Variants in SH3D19 observed in about 807,000 individuals in gnomAD.
SH3D19 encodes SH3 domain containing 19.
In SH3D19, 58 loss-of-function variants were observed where a neutral mutation model predicts 112.1. The ratio of observed to expected loss-of-function variants is 0.52; its 90% CI spans 0.42 to 0.64. The LOEUF is 0.64. SH3D19 is among the 30% of genes least tolerant of loss of function. The probability of loss-of-function intolerance (pLI) is 0.00; values close to 1 mark genes in which losing one functional copy is unlikely to be tolerated. For synonymous variants in SH3D19, 391 were observed against 448.5 expected, an observed-to-expected ratio of 0.87 and a Z score of 1.62; for missense variants, 1,090 against 1,263.4, an observed-to-expected ratio of 0.86 and a Z score of 2.08.
intron 1 of SH3D19, among the ~76,000 whole-genome samples, chr4:151,305,547 A>G (rs1452101121): frequency 6.6e-6 from 1 of 152,238 alleles, no homozygotes; most frequent in Non-Finnish European, 1.5e-5. Context: ...GCAATTAACC[A>G]TATGAACAGA....
chr4:151,246,874 T>C (rs1770983024), intron 1 of SH3D19, among the ~76,000 whole-genome samples: 1 of 152,210 alleles, frequency 6.6e-6, no homozygotes, highest in Admixed American at 6.5e-5. Flanking sequence ...ACATTGCTGC[T>C]ACAAATAATT....
chr4:151,286,085 T>G (rs1580409682), intron 1 of SH3D19, among the ~76,000 whole-genome samples: 1 of 145,464 alleles, frequency 6.9e-6, no homozygotes, highest in African/African-American at 2.5e-5. Flanking sequence ...TCCCAGCTAC[T>G]TGGGAGGATT....
chr4:151,186,522 C>G (rs1446640243), intron 3 of SH3D19, among the ~76,000 whole-genome samples: 1 of 152,148 alleles, frequency 6.6e-6, no homozygotes, highest in Non-Finnish European at 1.5e-5. Flanking sequence ...CAACCTCCAC[C>G]TCCTGGGTTC....
intron 2 of SH3D19, among the ~76,000 whole-genome samples, chr4:151,215,064 C>T (rs1210608581): frequency 6.8e-6 from 1 of 147,544 alleles, no homozygotes; most frequent in Non-Finnish European, 1.5e-5. Context: ...CCCCACATCT[C>T]AGACGATGGG....
chr4:151,314,789 A>G (rs1441241641), intron 1 of SH3D19, among the ~76,000 whole-genome samples: 2 of 152,110 alleles, frequency 1.3e-5, no homozygotes, highest in Admixed American at 6.6e-5. Context: ...AGGGCCATCT[A>G]TTTTTCTGCT....
Position 151,187,637 on chromosome 4 carries a change from CTTTAA to C in SH3D19, c.153-179_153-175del, listed in dbSNP as rs1762006453. ...AATTAAAGAAATTTTTAAAACTTGA[CTTTAA>C]TTTGTTTTATGGGAAATATATTTGC... On this transcript the variant is annotated intron_variant, in intron 2 of 19. Coordinates refer to ENST00000604030, the MANE Select transcript of SH3D19 (RefSeq NM_001378122.1). Among the ~76,000 whole-genome samples, 3 of 152,258 alleles carry C rather than the reference CTTTAA, an allele frequency of 2.0e-5. No homozygotes were observed. The South Asian group carries it at 6.2e-4, about 32-fold the overall frequency.
rs143847742 is a variant in SH3D19 at position 151,285,954 on chromosome 4, G to A, written c.112+39287C>T. 2.2e-3 allele frequency among the ~76,000 whole-genome samples: 335 copies of A among 151,612 alleles called. 2 individuals are homozygous for A. The highest frequency in any genetic ancestry group is 6.9e-3 in the African/African-American group (285 of 41,364). ...ACATACCTGTAATCGCAGCACTTTGGGAGGATAAGGTAGGAGATTTTTTTT... is the reference window on the plus strand; with the variant it reads ...ACATACCTGTAATCGCAGCACTTTGAGAGGATAAGGTAGGAGATTTTTTTT... On this transcript the variant is annotated intron_variant, in intron 1 of 19. Coordinates refer to ENST00000604030, the MANE Select transcript of SH3D19 (RefSeq NM_001378122.1).
rs148398409 is a variant in SH3D19 at position 151,309,841 on chromosome 4, T to C, written c.112+15400A>G. ...CCAGTCTCTACAAAAAATTTAAAAATTGGCTGGGTATGGTGGCACATACTT... is the reference window on the plus strand; with the variant it reads ...CCAGTCTCTACAAAAAATTTAAAAACTGGCTGGGTATGGTGGCACATACTT... On this transcript the variant is annotated intron_variant, in intron 1 of 19. Transcript: ENST00000604030. Among the ~76,000 whole-genome samples the C allele has an allele frequency of 1.6e-4, 25 of 151,622 alleles. No individual in the cohort carries two copies. In the East Asian group the frequency reaches 4.5e-3, roughly 27 times the overall value.
intron 1 of SH3D19, among the ~76,000 whole-genome samples, chr4:151,320,807 A>C (rs1730458355): frequency 6.6e-6 from 1 of 152,214 alleles, no homozygotes; most frequent in Admixed American, 6.5e-5. Context: ...TGGGAGGCCA[A>C]GGCAGGCGGG....
chr4:151,147,893 C>A (rs764472181), intron 11 of SH3D19, 29 bp downstream of exon 11: 74 of 1,569,212 alleles, frequency 4.7e-5, no homozygotes, highest in East Asian at 1.3e-4. Flanking sequence ...CACCTCTTGA[C>A]CACAAACATT....
At chr4:151,184,452 A>C (rs949857546) in intron 3 of SH3D19, among the ~76,000 whole-genome samples, 3 of 152,246 alleles carry the variant, frequency 2.0e-5, no homozygotes, top group Non-Finnish European at 2.9e-5. Context: ...CTTCTTGCCT[A>C]AACATCAGGA....
Position 151,175,340 on chromosome 4 carries a change from T to C in SH3D19, c.864A>G (p.Gln288=), listed in dbSNP as rs1349562616. The part of the protein sequence containing the change: ...QAVMNIMNTE[Q]SQNSIVSRIK... ...TTCTGGAAACAATACTATTTTGGCT[T>C]TGTTCTGTGTTCATAATGTTCATCA... Residue 288 remains glutamine (Q), a synonymous_variant, in exon 7 of 20, where the codon CAA becomes CAG. Coordinates refer to ENST00000604030, the MANE Select transcript of SH3D19 (RefSeq NM_001378122.1). 1.2e-6 allele frequency: 2 copies of C among 1,612,036 alleles called. No individual in the cohort carries two copies. The highest frequency in any genetic ancestry group is 4.5e-5 in the East Asian group (2 of 44,906).
At chr4:151,249,719 T>A (rs1054801379) in intron 1 of SH3D19, among the ~76,000 whole-genome samples, 1 of 152,198 alleles carries the variant, frequency 6.6e-6, no homozygotes, top group Non-Finnish European at 1.5e-5. Context: ...AAATCAGATC[T>A]GACCTTTTTA....
intron 14 of SH3D19, among the ~76,000 whole-genome samples, chr4:151,137,473 A>G (rs1178060684): frequency 6.6e-6 from 1 of 152,212 alleles, no homozygotes; most frequent in African/African-American, 2.4e-5. Context: ...CTCCAAGAAC[A>G]GCTGATTCAC....
intron 1 of SH3D19, among the ~76,000 whole-genome samples, chr4:151,281,613 T>C (rs1051090663): frequency 6.6e-6 from 1 of 152,030 alleles, no homozygotes; most frequent in African/African-American, 2.4e-5. Context: ...GCTAAAAGAG[T>C]TGAAAGTCAT....
rs938395286 is a variant in SH3D19, at chr4:151,120,609, T to A, written c.*1482A>T. 4.6e-5 allele frequency: 7 copies of A among 152,154 alleles called. No individual in the cohort carries two copies. The highest frequency in any genetic ancestry group is 1.7e-4 in the African/African-American group (7 of 41,442). The allele number at this position is 152,154 out of a possible 1,614,324, so 9.4% of individuals were successfully genotyped here. On this transcript the variant is annotated 3_prime_UTR_variant, in exon 20 of 20. Transcript: ENST00000604030. Reference sequence around the variant, plus strand: ...TTATACTCTCTTCTTTACCAAAACGTATTAGAAGTCCCCATAGTCCAAAAT... The same window carrying A: ...TTATACTCTCTTCTTTACCAAAACGAATTAGAAGTCCCCATAGTCCAAAAT...
chr4:151,161,636 A>G (rs71635791), intron 8 of SH3D19, among the ~76,000 whole-genome samples: 1 of 146,236 alleles, frequency 6.8e-6, no homozygotes, highest in Non-Finnish European at 1.5e-5. Context: ...ATATATATAT[A>G]TATATTTTAA....
intron 2 of SH3D19, among the ~76,000 whole-genome samples, chr4:151,197,183 G>GT (rs1763597401): frequency 6.6e-6 from 1 of 152,040 alleles, no homozygotes; most frequent in Non-Finnish European, 1.5e-5. Flanking sequence ...TCCAGCCTGG[G>GT]TGACAGAGCA....
intron 1 of SH3D19, among the ~76,000 whole-genome samples, chr4:151,237,240 G>C (rs1326273159): frequency 6.6e-6 from 1 of 152,210 alleles, no homozygotes; most frequent in Admixed American, 6.5e-5. Context: ...CATTCTTGAA[G>C]TCAGCAAGAC....
Sources: gnomAD v4.1 joint callset for allele counts (sites outside exome capture counted in the v4.1 genomes callset) on GRCh38, gnomAD v4.1.1 for gene constraint, MANE v1.5 for transcripts, NCBI Gene and HGNC (gene_info 2026-07-23, HGNC 2026-07-21) for gene names.